Variants in IL26 observed in about 807,000 individuals in gnomAD.
IL26 encodes the protein interleukin-26.
In IL26, 23 loss-of-function variants were observed where a neutral mutation model predicts 21.7. The ratio of observed to expected loss-of-function variants is 1.06; its 90% CI spans 0.76 to 1.50. IL26 has a LOEUF of 1.50. IL26 is among the 40% of genes most tolerant of loss of function. IL26 has a pLI of 0.00. For missense variants in IL26, 204 were observed against 196.0 expected (o/e 1.04, Z -0.24); for synonymous variants, 63 against 67.8 (o/e 0.93, Z 0.34).
intron 3 of IL26, among the ~76,000 whole-genome samples, chr12:68,215,130 G>A (rs1868839568): frequency 6.6e-6 from 1 of 152,066 alleles, no homozygotes; most frequent in Admixed American, 6.6e-5. Flanking sequence ...AACAAACCAA[G>A]GAAAAACTTT....
chr12:68,210,225 T>G (rs1328728860), intron 3 of IL26, among the ~76,000 whole-genome samples: 2 of 151,404 alleles, frequency 1.3e-5, no homozygotes, highest in Non-Finnish European at 2.9e-5. Context: ...TTTGCACAGT[T>G]GTTCACATGG....
intron 3 of IL26, among the ~76,000 whole-genome samples, chr12:68,221,573 A>T (rs1242565407): frequency 6.6e-6 from 1 of 152,230 alleles, no homozygotes; most frequent in Non-Finnish European, 1.5e-5. Flanking sequence ...GAAATGTTCA[A>T]TAGTGGGCTG....
At chr12:68,221,293 G>A (rs1181755632) in intron 3 of IL26, among the ~76,000 whole-genome samples, 4 of 151,994 alleles carry the variant, frequency 2.6e-5, no homozygotes, top group Non-Finnish European at 5.9e-5. Flanking sequence ...AAGGAGGAAT[G>A]GGGTGGGAGG....
Position 68,225,450 on chromosome 12 carries a change from C to G in IL26, c.222G>C (p.Gln74His). 6.3e-7 allele frequency: 1 copy of G among 1,577,500 alleles called. No homozygotes were observed. Among genetic ancestry groups the G allele is most frequent in the Non-Finnish European group, 8.7e-7 (1 of 1,148,524 alleles). ...IRLLKKKTKKQFMKNCQFQEQ... is the reference protein window; with the variant it reads ...IRLLKKKTKKHFMKNCQFQEQ... ...AGAAGACTTTCTGACTTACCATAAA[C>G]TGCTTTTTTGTTTTCTTTTTTAATA... The change falls in exon 2 of 5, where the codon CAG becomes CAC. Residue 74 changes from glutamine (Q) to histidine (H), a missense_variant. Coordinates refer to ENST00000229134, the MANE Select transcript of IL26 (RefSeq NM_018402.2).
Position 68,201,749 on chromosome 12 carries a change from A to G in IL26, c.*96T>C. On this transcript the variant is annotated 3_prime_UTR_variant, in exon 5 of 5. Transcript: ENST00000229134. ...CTAACATGCCGTCAGTATTATGTTA[A>G]AAAGTTTTTAAAAGAAATAGACTGT... 1.3e-6 allele frequency: 1 copy of G among 784,702 alleles called. No homozygotes were observed. The highest frequency in any genetic ancestry group is 2.0e-6 in the Non-Finnish European group (1 of 503,616). 48.6% of individuals were successfully genotyped at this position (784,702 alleles called of 1,614,324 possible).
At chr12:68,208,945 T>A (rs1198416502) in intron 3 of IL26, among the ~76,000 whole-genome samples, 1 of 152,242 alleles carries the variant, frequency 6.6e-6, no homozygotes, top group Admixed American at 6.5e-5. Flanking sequence ...AGGCATCGAC[T>A]TACTGCCTCA....
intron 3 of IL26, among the ~76,000 whole-genome samples, chr12:68,205,604 C>A (rs1868517057): frequency 6.6e-6 from 1 of 152,106 alleles, no homozygotes; most frequent in East Asian, 1.9e-4. Context: ...AGGAGTTGGT[C>A]TTGCCATCTC....
intron 3 of IL26, among the ~76,000 whole-genome samples, chr12:68,210,721 A>G (rs545487399): frequency 6.6e-6 from 1 of 152,328 alleles, no homozygotes; most frequent in South Asian, 2.1e-4. Flanking sequence ...CTTACCTAGA[A>G]TAATCTTAAA....
intron 3 of IL26, among the ~76,000 whole-genome samples, chr12:68,222,913 ATGT>A (rs908114336): frequency 6.6e-6 from 1 of 152,184 alleles, no homozygotes; most frequent in African/African-American, 2.4e-5. Context: ...ATTTAAATTA[ATGT>A]TGTTTACTTC....
At chr12:68,209,055 CA>C (rs1171831478) in intron 3 of IL26, among the ~76,000 whole-genome samples, 3 of 152,162 alleles carry the variant, frequency 2.0e-5, no homozygotes, top group Non-Finnish European at 4.4e-5. Context: ...ACAAGCAATA[CA>C]ATCCTTAGTT....
chr12:68,205,081 G>T (rs1868497053), intron 3 of IL26, among the ~76,000 whole-genome samples: 1 of 152,150 alleles, frequency 6.6e-6, no homozygotes, highest in African/African-American at 2.4e-5. Flanking sequence ...GGTAGGGCTA[G>T]AATAACTAGA....
intron 3 of IL26, 27 bp downstream of exon 3, chr12:68,225,122 T>A (rs1049007118): frequency 6.4e-7 from 1 of 1,574,376 alleles, no homozygotes; most frequent in African/African-American, 1.4e-5. Context: ...TAGGATCAAA[T>A]GCACAGTATT....
chr12:68,222,145 T>C (rs1165270584), intron 3 of IL26, among the ~76,000 whole-genome samples: 1 of 152,212 alleles, frequency 6.6e-6, no homozygotes, highest in Non-Finnish European at 1.5e-5. Flanking sequence ...GATAAGAGCA[T>C]TTAAAAATCC....
chr12:68,219,738 A>G lies in IL26; in HGVS notation c.363+5411T>C, dbSNP rs1868994808. On this transcript the variant is annotated intron_variant, in intron 3 of 4. Coordinates refer to ENST00000229134, the MANE Select transcript of IL26 (RefSeq NM_018402.2). ...TGTTCAGAATAAAAATCACTGAAAT[A>G]AAAACAGAAAAGTAATAAAGAAAAA... is the stretch of plus-strand genomic sequence containing the variant. Among the ~76,000 whole-genome samples, 3 of 151,942 alleles carry G rather than the reference A, an allele frequency of 2.0e-5. No individual in the cohort carries two copies. The South Asian group carries it at 6.2e-4, about 31-fold the overall frequency.
chr12:68,206,556 T>C (rs1295273670), intron 3 of IL26, among the ~76,000 whole-genome samples: 2 of 152,204 alleles, frequency 1.3e-5, no homozygotes, highest in East Asian at 3.8e-4. Flanking sequence ...GGCCTTCATG[T>C]TGTACAATGG....
intron 3 of IL26, among the ~76,000 whole-genome samples, chr12:68,204,090 T>G (rs1193724170): frequency 6.6e-6 from 1 of 152,152 alleles, no homozygotes; most frequent in East Asian, 1.9e-4. Context: ...CATAGAATCC[T>G]TTTTAAAAGT....
At chr12:68,208,011 C>T (rs112677775) in intron 3 of IL26, among the ~76,000 whole-genome samples, 12 of 152,180 alleles carry the variant, frequency 7.9e-5, no homozygotes, top group African/African-American at 2.9e-4. Flanking sequence ...AAAAACAAAA[C>T]CACATGTAAG....
chr12:68,209,277 C>T (rs1448679242), intron 3 of IL26, among the ~76,000 whole-genome samples: 1 of 152,188 alleles, frequency 6.6e-6, no homozygotes, highest in East Asian at 1.9e-4. Flanking sequence ...AGTACGGAGG[C>T]TGCAAAGGCC....
intron 3 of IL26, among the ~76,000 whole-genome samples, chr12:68,209,682 A>T (rs1287876453): frequency 1.3e-5 from 2 of 151,586 alleles, no homozygotes; most frequent in African/African-American, 2.4e-5. Flanking sequence ...ATGTTCCAAG[A>T]CTCTTTTACA....
Sources: gnomAD v4.1 joint callset for allele counts (sites outside exome capture counted in the v4.1 genomes callset) on GRCh38, gnomAD v4.1.1 for gene constraint, MANE v1.5 for transcripts, NCBI Gene and HGNC (gene_info 2026-07-23, HGNC 2026-07-21) for gene names.